The following EIF4G3 variants were observed in gnomAD, a reference collection of about 807,000 sequenced individuals.
The protein encoded by EIF4G3 is eIF-4-gamma 3.
Under a neutral mutation model 186.4 loss-of-function variants are expected in EIF4G3, and 34 were observed. The ratio of observed to expected loss-of-function variants is 0.18; its 90% CI spans 0.14 to 0.24. The LOEUF (loss-of-function observed/expected upper bound fraction) is 0.24. Ranked by LOEUF, EIF4G3 falls within the 10% of genes least tolerant of loss-of-function variation. The probability of loss-of-function intolerance (pLI) is 1.00; values close to 1 mark genes in which losing one functional copy is unlikely to be tolerated. For synonymous variants in EIF4G3, 673 were observed against 679.5 expected, an observed-to-expected ratio of 0.99 and a Z score of 0.15; for missense variants, 1,536 against 1,948.5, an observed-to-expected ratio of 0.79 and a Z score of 3.99.
intron 19 of EIF4G3, among the ~76,000 whole-genome samples, chr1:20,884,290 TATAAAC>T (rs1230186748): frequency 3.9e-5 from 6 of 152,232 alleles, no homozygotes; most frequent in African/African-American, 7.2e-5. Context: ...AGGACTCTGT[TATAAAC>T]AGAAACAGAT....
chr1:20,911,080 GGATA>G lies in EIF4G3; in HGVS notation c.1664-6113_1664-6110del, dbSNP rs372076156. ...CACTTTAGTCTTGTTATAGATTGTA[GGATA>G]GATTGCTCTTTATAAAAATACTATT... On this transcript the variant is annotated intron_variant, in intron 14 of 36. Transcript: ENST00000602326. 5.8e-4 allele frequency among the ~76,000 whole-genome samples: 88 copies of G among 152,210 alleles called. 1 individual carries two copies. In the East Asian group the frequency reaches 0.011, roughly 19 times the overall value.
At chr1:21,007,058 GAACA>G (rs2085288338) in intron 4 of EIF4G3, among the ~76,000 whole-genome samples, 1 of 152,056 alleles carries the variant, frequency 6.6e-6, no homozygotes, top group African/African-American at 2.4e-5. Context: ...CACTGTATGT[GAACA>G]AACATAAATC....
rs1162277598 is a variant in EIF4G3 at position 20,950,106 on chromosome 1, C to T, written c.720G>A (p.Leu240=). 5.1e-6 allele frequency: 8 copies of T among 1,583,266 alleles called. No homozygotes were observed. Among genetic ancestry groups the T allele is most frequent in the Non-Finnish European group, 6.8e-6 (8 of 1,169,384 alleles). Residue 240 remains leucine (L), a synonymous_variant, in exon 13 of 37, where the codon CTG becomes CTA. Coordinates refer to ENST00000602326, the MANE Select transcript of EIF4G3 (RefSeq NM_001391906.1). Reference sequence around the variant, plus strand: ...GGCTGTGCTCGGGGACCTGGCTGGGCAGCTGCTGGGATTTGAAGTACAAAA... The same window carrying T: ...GGCTGTGCTCGGGGACCTGGCTGGGTAGCTGCTGGGATTTGAAGTACAAAA... ...PTSTPTPPQQ[L]PSQVPEHSPV... is the part of the protein sequence containing the mutation.
chr1:21,142,469 C>T (rs986381233), intron 2 of EIF4G3, among the ~76,000 whole-genome samples: 1 of 152,030 alleles, frequency 6.6e-6, no homozygotes, highest in African/African-American at 2.4e-5. Context: ...ATCGTACAAC[C>T]GTACTCCAGC....
intron 20 of EIF4G3, among the ~76,000 whole-genome samples, chr1:20,868,457 C>A (rs188620537): frequency 2.6e-5 from 4 of 152,150 alleles, no homozygotes; most frequent in Non-Finnish European, 4.4e-5. Flanking sequence ...GGGCACTAAT[C>A]CCATTGTGTG....
chr1:21,075,800 C>T (rs2095573543), intron 3 of EIF4G3, among the ~76,000 whole-genome samples: 1 of 151,842 alleles, frequency 6.6e-6, no homozygotes, highest in Non-Finnish European at 1.5e-5. Flanking sequence ...AATACATATG[C>T]ACGTAACAAA....
chr1:21,103,677 C>G (rs1233269716), intron 2 of EIF4G3, among the ~76,000 whole-genome samples: 3 of 152,130 alleles, frequency 2.0e-5, no homozygotes. Context: ...AACCTCATCT[C>G]TACAAAAAAT....
At chr1:21,148,847 A>AT (rs2097501600) in intron 2 of EIF4G3, among the ~76,000 whole-genome samples, 3 of 152,074 alleles carry the variant, frequency 2.0e-5, no homozygotes, top group Non-Finnish European at 4.4e-5. Context: ...AAAATCCAAC[A>AT]ATAAGGAATG....
chr1:21,118,785 CAAAA>C (rs796933675), intron 2 of EIF4G3, among the ~76,000 whole-genome samples: 2 of 86,272 alleles, frequency 2.3e-5, no homozygotes, highest in African/African-American at 4.5e-5. Flanking sequence ...GACTACATCT[CAAAA>C]AAAAAAAAAA....
intron 2 of EIF4G3, among the ~76,000 whole-genome samples, chr1:21,141,845 C>T (rs1002787664): frequency 6.6e-6 from 1 of 151,730 alleles, no homozygotes; most frequent in African/African-American, 2.4e-5. Flanking sequence ...GGGGAAGAAT[C>T]GCTTGAGCCT....
At chr1:20,962,515 C>G (rs1285747640) in intron 12 of EIF4G3, among the ~76,000 whole-genome samples, 1 of 152,118 alleles carries the variant, frequency 6.6e-6, no homozygotes, top group African/African-American at 2.4e-5. Flanking sequence ...AGATATCAAG[C>G]ATATCTTGAT....
At chr1:20,857,176 A>AAAAAAG (rs1029243096) in intron 25 of EIF4G3, among the ~76,000 whole-genome samples, 5 of 150,530 alleles carry the variant, frequency 3.3e-5, no homozygotes, top group East Asian at 1.9e-4. Flanking sequence ...AAAAAAAAAA[A>AAAAAAG]AAAGAAAATG....
chr1:21,080,011 C>T (rs952985651), intron 3 of EIF4G3, among the ~76,000 whole-genome samples: 4 of 151,686 alleles, frequency 2.6e-5, no homozygotes, highest in Non-Finnish European at 4.4e-5. Flanking sequence ...ACTAGCCAGG[C>T]GTGGTGGTGG....
At chr1:21,168,072 A>G (rs2097888698) in intron 2 of EIF4G3, 1 of 470,360 alleles carries the variant, frequency 2.1e-6, no homozygotes, top group East Asian at 7.0e-5. Context: ...CAAAAAGTTC[A>G]CTTATATTTC....
intron 12 of EIF4G3, among the ~76,000 whole-genome samples, chr1:20,950,648 G>A (rs3820326): frequency 0.44 from 66,331 of 151,974 alleles, 14,830 homozygotes; most frequent in Non-Finnish European, 0.47. Context: ...TTGAAAGTAT[G>A]TAATAAAGCA....
At chr1:21,079,032 T>C (rs1053591352) in intron 3 of EIF4G3, among the ~76,000 whole-genome samples, 1 of 152,090 alleles carries the variant, frequency 6.6e-6, no homozygotes, top group African/African-American at 2.4e-5. Context: ...AATTATTAAG[T>C]ATCAATTTTT....
At chr1:20,850,637 G>A (rs1310483990) in intron 28 of EIF4G3, among the ~76,000 whole-genome samples, 1 of 152,032 alleles carries the variant, frequency 6.6e-6, no homozygotes, top group Admixed American at 6.6e-5. Context: ...TATTTATCAC[G>A]TAATGTTCTA....
At chr1:21,127,710 A>C (rs2097074086) in intron 2 of EIF4G3, among the ~76,000 whole-genome samples, 1 of 152,210 alleles carries the variant, frequency 6.6e-6, no homozygotes, top group Non-Finnish European at 1.5e-5. Context: ...ACAAGGCACT[A>C]ATATTCAAGA....
intron 2 of EIF4G3, among the ~76,000 whole-genome samples, chr1:21,115,700 GAATA>G (rs1347820629): frequency 1.3e-5 from 2 of 152,004 alleles, no homozygotes; most frequent in Non-Finnish European, 2.9e-5. Context: ...CGATTTATTA[GAATA>G]ATTTGTTGTT....
Sources: gnomAD v4.1 joint callset for allele counts (sites outside exome capture counted in the v4.1 genomes callset) on GRCh38, gnomAD v4.1.1 for gene constraint, MANE v1.5 for transcripts, NCBI Gene and HGNC (gene_info 2026-07-23, HGNC 2026-07-21) for gene names.